Variants in TRAPPC9 observed in about 807,000 individuals in gnomAD.
The protein encoded by TRAPPC9 is IKK2 binding protein.
TRAPPC9 carries 83 observed loss-of-function variants against 124.0 expected under a neutral mutation model. The observed-to-expected ratio is 0.67, with a 90% CI of 0.56 to 0.80. TRAPPC9 has a LOEUF of 0.80. Among genes scored for constraint, TRAPPC9 ranks in the 30% least tolerant of loss-of-function variants. The pLI, the probability that TRAPPC9 is intolerant of heterozygous loss-of-function variation, is 0.00. For synonymous variants in TRAPPC9, 638 were observed against 617.5 expected (o/e 1.03, Z -0.49); for missense variants, 1,302 against 1,508.3 (o/e 0.86, Z 2.27).
chr8:140,315,414 T>C (rs745698069), intron 9 of TRAPPC9, among the ~76,000 whole-genome samples: 61 of 152,112 alleles, frequency 4.0e-4, no homozygotes, highest in Non-Finnish European at 7.8e-4. Context: ...AACTCCTTAG[T>C]AAAGGTTATA....
At chr8:140,299,758 C>G (rs1161742212) in intron 11 of TRAPPC9, among the ~76,000 whole-genome samples, 1 of 152,226 alleles carries the variant, frequency 6.6e-6, no homozygotes, top group Non-Finnish European at 1.5e-5. Flanking sequence ...GTGGTGCATG[C>G]TGAGCCCTGG....
intron 21 of TRAPPC9, among the ~76,000 whole-genome samples, chr8:139,744,905 T>G (rs770494715): frequency 2.0e-5 from 3 of 152,224 alleles, no homozygotes; most frequent in Non-Finnish European, 2.9e-5. Context: ...AGAGGAGACC[T>G]GTACAGCTTG....
At chr8:140,138,831 T>A (rs1052902876) in intron 17 of TRAPPC9, among the ~76,000 whole-genome samples, 20 of 151,942 alleles carry the variant, frequency 1.3e-4, no homozygotes, top group African/African-American at 4.8e-4. Context: ...AATGGGGGGA[T>A]TGGTGTCAGA....
intron 20 of TRAPPC9, among the ~76,000 whole-genome samples, chr8:139,900,949 G>A (rs1373342411): frequency 6.6e-6 from 1 of 151,402 alleles, no homozygotes; most frequent in African/African-American, 2.4e-5. Context: ...CTGTAGACCT[G>A]AGGTGTGTGA....
chr8:139,905,058 A>C (rs1228746903), intron 20 of TRAPPC9: 2 of 152,384 alleles, frequency 1.3e-5, no homozygotes, highest in East Asian at 3.9e-4. Flanking sequence ...GGTAAGAAGA[A>C]GCTTAAAAGA....
intron 7 of TRAPPC9, among the ~76,000 whole-genome samples, chr8:140,385,323 G>A (rs2068725703): frequency 6.6e-6 from 1 of 152,152 alleles, no homozygotes; most frequent in Admixed American, 6.6e-5. Flanking sequence ...TAAGATCAGA[G>A]CAGAACTGAA....
chr8:140,403,686 C>T (rs1012360418), intron 6 of TRAPPC9, among the ~76,000 whole-genome samples: 36 of 149,668 alleles, frequency 2.4e-4, no homozygotes, highest in African/African-American at 8.8e-4. Context: ...GAGACGGAGT[C>T]TCACTCTGTA....
chr8:139,884,438 T>C (rs72683253), intron 21 of TRAPPC9, among the ~76,000 whole-genome samples: 120 of 152,242 alleles, frequency 7.9e-4, no homozygotes, highest in Non-Finnish European at 1.3e-3. Context: ...CCCAAGTCAC[T>C]CTGTTCTTTG....
intron 16 of TRAPPC9, among the ~76,000 whole-genome samples, chr8:140,240,259 A>AG (rs33975504): frequency 6.6e-6 from 1 of 151,906 alleles, no homozygotes; most frequent in Non-Finnish European, 1.5e-5. Context: ...GCATTTTTCT[A>AG]GGGGGGGACA....
At chr8:140,438,932 G>T in intron 3 of TRAPPC9, 120 bp downstream of exon 3, 2 of 1,202,316 alleles carry the variant, frequency 1.7e-6, no homozygotes, top group Non-Finnish European at 2.5e-6. Flanking sequence ...CCTCATATTT[G>T]GCCTGCCGTA....
In TRAPPC9 at chr8:140,292,935, A is replaced by G. The variant is rs530099400; in HGVS notation, c.1769-1857T>C. The stretch of plus-strand genomic sequence containing the variant: ...CCATCAGAGTGAACAGGCAACCTAC[A>G]AAATGGGAGAAAATTTTCGCAACCT... On this transcript the variant is annotated intron_variant, in intron 11 of 22. Coordinates refer to ENST00000438773, the MANE Select transcript of TRAPPC9 (RefSeq NM_001160372.4). 2.1e-5 allele frequency among the ~76,000 whole-genome samples: 3 copies of G among 141,528 alleles called. No homozygotes were observed. In the South Asian group the frequency reaches 7.1e-4, roughly 33 times the overall value. 92.8% of individuals were successfully genotyped at this position (141,528 alleles called of 152,430 possible). A position where few individuals can be genotyped will look rare whatever the true frequency, so the allele number is the denominator to read the frequency against.
chr8:140,233,048 A>G (rs2063638002), intron 16 of TRAPPC9, among the ~76,000 whole-genome samples: 1 of 152,240 alleles, frequency 6.6e-6, no homozygotes, highest in Non-Finnish European at 1.5e-5. Context: ...TTATCTCTTC[A>G]TTAAACAGTC....
At chr8:139,769,394 G>A (rs1174428172) in intron 21 of TRAPPC9, among the ~76,000 whole-genome samples, 1 of 152,230 alleles carries the variant, frequency 6.6e-6, no homozygotes, top group South Asian at 2.1e-4. Context: ...GGTGGCTCAG[G>A]GTGGGGAATG....
chr8:140,211,699 G>A (rs1052623501), intron 17 of TRAPPC9, among the ~76,000 whole-genome samples: 4 of 152,214 alleles, frequency 2.6e-5, no homozygotes, highest in Admixed American at 2.6e-4. Flanking sequence ...GCTTTATTCT[G>A]ATCGAATGAG....
chr8:139,990,800 T>A (rs925614171), intron 18 of TRAPPC9, among the ~76,000 whole-genome samples: 11 of 152,204 alleles, frequency 7.2e-5, no homozygotes, highest in Non-Finnish European at 1.5e-4. Flanking sequence ...ATGGCCAGGC[T>A]GGTCTCAAAC....
At chr8:140,160,737 A>G (rs2061737611) in intron 17 of TRAPPC9, among the ~76,000 whole-genome samples, 1 of 152,186 alleles carries the variant, frequency 6.6e-6, no homozygotes, top group African/African-American at 2.4e-5. Context: ...TGGCACATGT[A>G]TACCTATGTA....
At chr8:140,351,184 C>G (rs1029407542) in intron 9 of TRAPPC9, among the ~76,000 whole-genome samples, 1 of 151,236 alleles carries the variant, frequency 6.6e-6, no homozygotes, top group African/African-American at 2.4e-5. Context: ...GAGACACAGG[C>G]CCACGCTAGT....
intron 9 of TRAPPC9, among the ~76,000 whole-genome samples, chr8:140,321,712 C>T (rs1449052946): frequency 1.3e-5 from 2 of 152,140 alleles, no homozygotes; most frequent in African/African-American, 4.8e-5. Flanking sequence ...GAGTAGACTC[C>T]CATGGGCAAA....
intron 16 of TRAPPC9, among the ~76,000 whole-genome samples, chr8:140,223,983 A>C (rs895537647): frequency 6.6e-6 from 1 of 152,236 alleles, no homozygotes; most frequent in Non-Finnish European, 1.5e-5. Context: ...GACATTGTGC[A>C]TCTACAATAA....
Sources: allele counts gnomAD v4.1 joint callset (sites outside exome capture counted in the v4.1 genomes callset), GRCh38; gene constraint gnomAD v4.1.1; transcripts MANE v1.5; gene names NCBI Gene and HGNC (gene_info 2026-07-23, HGNC 2026-07-21).